OCA2: variants seen among roughly 807,000 people sequenced by gnomAD.
OCA2 encodes the protein OCA2 melanosomal transmembrane protein.
OCA2 carries 77 observed loss-of-function variants against 100.2 expected under a neutral mutation model. The ratio of observed to expected loss-of-function variants is 0.77; its 90% confidence interval spans 0.64 to 0.93. The LOEUF (loss-of-function observed/expected upper bound fraction) is 0.93. OCA2 is among the 40% of genes least tolerant of loss of function. The pLI, the probability that OCA2 is intolerant of heterozygous loss-of-function variation, is 0.00. For synonymous variants in OCA2, 432 were observed against 439.2 expected (o/e 0.98, Z 0.21); for missense variants, 1,062 against 1,089.1 (o/e 0.98, Z 0.35).
the OCA2 span, among the ~76,000 whole-genome samples, chr15:27,723,135 G>T: frequency 8.8e-4 from 134 of 152,064 alleles, no homozygotes; most frequent in Non-Finnish European, 1.5e-3. Context: ...AAGCCACCGC[G>T]CCTGGCCCCT....
Position 27,767,487 on chromosome 15 carries a change from T to C in OCA2, c.2433-12015A>G, listed in dbSNP as rs1446781375. On this transcript the variant is annotated intron_variant, in intron 23 of 23. Coordinates refer to ENST00000354638, the MANE Select transcript of OCA2 (RefSeq NM_000275.3). ...CAGCACTCTGTGTCTAGCTAAAGGATTGTAAATGCACCAGTCAGCACTGGG... is the reference window on the plus strand; with the variant it reads ...CAGCACTCTGTGTCTAGCTAAAGGACTGTAAATGCACCAGTCAGCACTGGG... Among the ~76,000 whole-genome samples, 4 of 151,774 alleles carry C rather than the reference T, an allele frequency of 2.6e-5. No homozygotes were observed. In the East Asian group the frequency reaches 5.8e-4, roughly 22 times the overall value.
intron 1 of OCA2, among the ~76,000 whole-genome samples, chr15:28,088,994 TA>T: frequency 6.6e-6 from 1 of 152,284 alleles, no homozygotes; most frequent in South Asian, 2.1e-4. Context: ...TCGACAACCG[TA>T]AAAGACAGAC....
rs2043257202 is a variant in OCA2, at chr15:28,043,269, T to A, written c.228-11106A>T. ...ACAGCAAGTAGGCCCAGTGGTAGGA[T>A]TTTTGAAGTTTACAATTCAACAGAG... On this transcript the variant is annotated intron_variant, in intron 2 of 23. Coordinates refer to ENST00000354638, the MANE Select transcript of OCA2 (RefSeq NM_000275.3). The surrounding 1 kb of genome is among the most constrained non-coding windows in gnomAD (Gnocchi z 4.4). 6.6e-6 allele frequency among the ~76,000 whole-genome samples: 1 copy of A among 152,162 alleles called. No individual in the cohort carries two copies. The highest frequency in any genetic ancestry group is 1.5e-5 in the Non-Finnish European group (1 of 68,038).
chr15:27,858,331 A>G (rs1465541960), intron 21 of OCA2, among the ~76,000 whole-genome samples: 6 of 150,742 alleles, frequency 4.0e-5, no homozygotes, highest in Non-Finnish European at 8.9e-5. Context: ...CCGAGATCAC[A>G]CCACTGCACT....
chr15:27,737,722 TAAG>T, the OCA2 span, among the ~76,000 whole-genome samples: 1 of 152,180 alleles, frequency 6.6e-6, no homozygotes. Context: ...GCACTAATCA[TAAG>T]AAGAAAGATT....
intron 23 of OCA2, among the ~76,000 whole-genome samples, chr15:27,816,147 CAA>C (rs1378457058): frequency 6.6e-6 from 1 of 151,690 alleles, no homozygotes; most frequent in Non-Finnish European, 1.5e-5. Context: ...AAAACAAAAA[CAA>C]AATAAGAAAA....
intron 19 of OCA2, among the ~76,000 whole-genome samples, chr15:27,878,251 C>A (rs76914333): frequency 6.6e-6 from 1 of 151,930 alleles, no homozygotes; most frequent in South Asian, 2.1e-4. Context: ...TTTTGAAGAA[C>A]GTAAGAGGGA....
chr15:28,072,589 CAAAAAAA>C (rs760224063), intron 2 of OCA2, among the ~76,000 whole-genome samples: 1 of 60,072 alleles, frequency 1.7e-5, no homozygotes, highest in Non-Finnish European at 3.9e-5. Context: ...GATTCCGTCT[CAAAAAAA>C]AAAAAAAAAA....
chr15:28,054,176 G>A (rs7175342), intron 2 of OCA2, among the ~76,000 whole-genome samples: 8,991 of 152,166 alleles, frequency 0.059, 864 homozygotes, highest in African/African-American at 0.21. Flanking sequence ...ATAGGTATAT[G>A]TGTGTATGGG....
chr15:27,863,024 C>T (rs2036193273), intron 21 of OCA2, among the ~76,000 whole-genome samples: 2 of 152,198 alleles, frequency 1.3e-5, no homozygotes, highest in Non-Finnish European at 2.9e-5. Context: ...ATGGGTCTGA[C>T]TCAGGGGCCT....
In OCA2 at chr15:28,017,608, A is replaced by G. The variant is rs551975969; in HGVS notation, c.807+789T>C. On this transcript the variant is annotated intron_variant, in intron 7 of 23. Coordinates refer to ENST00000354638, the MANE Select transcript of OCA2 (RefSeq NM_000275.3). ...GCCACGGTCCAGGACACTGCATGCT[A>G]GTTCATAATGAGACCTTTGCTCTGT... is the stretch of plus-strand genomic sequence containing the variant. 2.0e-3 allele frequency among the ~76,000 whole-genome samples: 304 copies of G among 152,326 alleles called. 1 individual carries two copies. The highest frequency in any genetic ancestry group is 7.2e-3 in the African/African-American group (298 of 41,568).
At chr15:27,911,283 G>A (rs2038386091) in intron 19 of OCA2, among the ~76,000 whole-genome samples, 1 of 152,020 alleles carries the variant, frequency 6.6e-6, no homozygotes, top group Non-Finnish European at 1.5e-5. Flanking sequence ...AGCCAGGTGT[G>A]GTGGTATAAG....
chr15:28,066,299 T>C (rs112909501), intron 2 of OCA2, among the ~76,000 whole-genome samples: 91 of 152,260 alleles, frequency 6.0e-4, no homozygotes, highest in African/African-American at 2.0e-3. Flanking sequence ...GAAGATTCAA[T>C]ATTTGAAACC....
intron 1 of OCA2, among the ~76,000 whole-genome samples, chr15:28,083,037 A>T (rs1341071824): frequency 1.3e-5 from 2 of 152,216 alleles, no homozygotes; most frequent in African/African-American, 4.8e-5. Flanking sequence ...CTGACTGTGC[A>T]CTTTGGCCAT....
Position 27,926,363 on chromosome 15 carries a change from C to T in OCA2, c.1952-109G>A, listed in dbSNP as rs920268783. ...TTTATCAAGAATAATTGTCATACTACAAACCGCATATATGTAAAATGCATA... is the reference window on the plus strand; with the variant it reads ...TTTATCAAGAATAATTGTCATACTATAAACCGCATATATGTAAAATGCATA... On this transcript the variant is annotated intron_variant, in intron 18 of 23. Coordinates refer to ENST00000354638, the MANE Select transcript of OCA2 (RefSeq NM_000275.3). 17 of 1,162,058 alleles carry T rather than the reference C, an allele frequency of 1.5e-5. No individual in the cohort carries two copies. The African/African-American group carries it at 2.5e-4, about 17-fold the overall frequency. The allele number at this position is 1,162,058 out of a possible 1,614,324, so 72.0% of individuals were successfully genotyped here. A position where few individuals can be genotyped will look rare whatever the true frequency, so the allele number is the denominator to read the frequency against.
chr15:27,895,845 AATACAGG>A (rs1253747471), intron 19 of OCA2: 1 of 527,006 alleles, frequency 1.9e-6, no homozygotes, highest in Non-Finnish European at 3.5e-6. Flanking sequence ...AACACACCCA[AATACAGG>A]ATGATAGTTT....
chr15:28,070,325 C>A (rs2044201286), intron 2 of OCA2, among the ~76,000 whole-genome samples: 2 of 142,984 alleles, frequency 1.4e-5, no homozygotes, highest in Admixed American at 6.8e-5. Flanking sequence ...GGGGGTCAGC[C>A]CCCCGCCCGG....
chr15:28,021,957 T>G (rs1024857253), intron 6 of OCA2, among the ~76,000 whole-genome samples: 2 of 152,164 alleles, frequency 1.3e-5, no homozygotes, highest in African/African-American at 4.8e-5. Context: ...AGATTCTCAC[T>G]AGATTTACAT....
At chr15:27,919,016 G>C (rs1225200812) in intron 19 of OCA2, among the ~76,000 whole-genome samples, 3 of 152,042 alleles carry the variant, frequency 2.0e-5, no homozygotes. Context: ...AAGATATACA[G>C]AAAAAATTTA....
Sources: gnomAD v4.1 joint callset for allele counts (sites outside exome capture counted in the v4.1 genomes callset) on GRCh38, gnomAD v4.1.1 for gene constraint, Gnocchi (gnomAD v3.1) non-coding constraint, MANE v1.5 for transcripts, NCBI Gene and HGNC (gene_info 2026-07-23, HGNC 2026-07-21) for gene names.